The following DNAJC1 variants were observed in gnomAD, a reference collection of about 807,000 sequenced individuals.
DNAJC1 encodes the protein DnaJ heat shock protein family (Hsp40) member C1.
A neutral mutation model predicts 76.6 loss-of-function variants in DNAJC1; 58 were observed. The observed-to-expected ratio is 0.76, with a 90% CI of 0.61 to 0.94. The LOEUF (loss-of-function observed/expected upper bound fraction) is 0.94, where lower values mean the gene tolerates loss of function less well. Among genes scored for constraint, DNAJC1 ranks in the 40% least tolerant of loss-of-function variants. DNAJC1 has a pLI of 0.00. For missense variants in DNAJC1, 689 were observed against 677.3 expected (o/e 1.02, Z -0.19); for synonymous variants, 258 against 267.9 (o/e 0.96, Z 0.36).
chr10:21,911,082 AGGAAGGCG>A (rs1178536872), intron 6 of DNAJC1, among the ~76,000 whole-genome samples: 1,897 of 124,876 alleles, frequency 0.015, 38 homozygotes, highest in Middle Eastern at 0.023. Flanking sequence ...GAAGGAAGGA[AGGAAGGCG>A]GGAAGGCGGG....
At chr10:21,917,042 A>G (rs148845483) in intron 6 of DNAJC1, among the ~76,000 whole-genome samples, 2 of 152,240 alleles carry the variant, frequency 1.3e-5, no homozygotes, top group Admixed American at 6.5e-5. Context: ...AAGGTCTTGG[A>G]ACCCTAATGC....
intron 8 of DNAJC1, among the ~76,000 whole-genome samples, chr10:21,851,301 C>T (rs905717482): frequency 6.6e-6 from 1 of 151,872 alleles, no homozygotes; most frequent in East Asian, 1.9e-4. Flanking sequence ...AAAGACAACC[C>T]AATTCAAAAA....
intron 8 of DNAJC1, among the ~76,000 whole-genome samples, chr10:21,809,548 TATTAGATATACATAACAC>T (rs1360985958): frequency 2.6e-5 from 4 of 151,232 alleles, no homozygotes; most frequent in East Asian, 1.9e-4. Context: ...TATAACATAT[TATTAGATATACATAACAC>T]ATTAGATATA....
In DNAJC1 at chr10:21,759,507, A is replaced by T; in HGVS notation, c.1259T>A (p.Val420Glu). Residue 420 changes from valine (V) to glutamate (E), a missense_variant, in exon 11 of 12, where the codon GTG becomes GAG. Physicochemically the swap from Val to Glu is moderately radical, Grantham distance 121. Transcript: ENST00000376980. Reference sequence around the variant, plus strand: ...TCCCTCCTGCTCCTCCTCCGCTGCCACCCCCTCTGCGTCCTCTCGCTGGGT... The same window carrying T: ...TCCCTCCTGCTCCTCCTCCGCTGCCTCCCCCTCTGCGTCCTCTCGCTGGGT... ...MITQREDAEGVAAEEEQEGDS... is the reference protein window; with the variant it reads ...MITQREDAEGEAAEEEQEGDS... 6.2e-7 allele frequency: 1 copy of T among 1,612,834 alleles called. No homozygotes were observed. Among genetic ancestry groups the T allele is most frequent in the Non-Finnish European group, 8.5e-7 (1 of 1,179,652 alleles).
intron 10 of DNAJC1, among the ~76,000 whole-genome samples, chr10:21,761,549 TA>T (rs369792978): frequency 1.3e-3 from 174 of 131,444 alleles, no homozygotes; most frequent in Middle Eastern, 4.1e-3. Context: ...AGACTCCGTC[TA>T]AAAAAAAAAA....
intron 1 of DNAJC1, among the ~76,000 whole-genome samples, chr10:21,968,243 T>C (rs1266278290): frequency 2.6e-5 from 4 of 152,200 alleles, no homozygotes; most frequent in Non-Finnish European, 5.9e-5. Flanking sequence ...AAAAGTACAC[T>C]GCTATAAAGC....
chr10:21,777,907 G>A (rs1373082582), intron 9 of DNAJC1, among the ~76,000 whole-genome samples: 1 of 152,190 alleles, frequency 6.6e-6, no homozygotes, highest in African/African-American at 2.4e-5. Flanking sequence ...GATATCACAG[G>A]CTGGGCATGG....
chr10:21,884,124 G>A (rs1214254978), intron 7 of DNAJC1, among the ~76,000 whole-genome samples: 1 of 152,020 alleles, frequency 6.6e-6, no homozygotes, highest in Non-Finnish European at 1.5e-5. Context: ...TTACAAAAAA[G>A]ATAAAAGAGT....
At chr10:21,832,720 C>T (rs1288260343) in intron 8 of DNAJC1, among the ~76,000 whole-genome samples, 1 of 152,198 alleles carries the variant, frequency 6.6e-6, no homozygotes, top group Non-Finnish European at 1.5e-5. Flanking sequence ...CAAAAATCTT[C>T]TAATGGGTCC....
intron 9 of DNAJC1, among the ~76,000 whole-genome samples, chr10:21,777,479 C>T (rs955178821): frequency 1.3e-5 from 2 of 152,198 alleles, no homozygotes; most frequent in Admixed American, 1.3e-4. Flanking sequence ...AGAGCCACTG[C>T]TTGCAGAATC....
At chr10:21,780,341 G>T (rs1398923799) in intron 9 of DNAJC1, among the ~76,000 whole-genome samples, 2 of 152,224 alleles carry the variant, frequency 1.3e-5, no homozygotes, top group Non-Finnish European at 2.9e-5. Context: ...AGGGCAACCA[G>T]AGAGAAAGGT....
intron 1 of DNAJC1, among the ~76,000 whole-genome samples, chr10:21,972,642 G>C (rs1837999838): frequency 6.6e-6 from 1 of 151,892 alleles, no homozygotes; most frequent in African/African-American, 2.4e-5. Context: ...TGTTAAATCG[G>C]TCCTATAAAT....
At chr10:21,890,553 C>A (rs929858423) in intron 7 of DNAJC1, among the ~76,000 whole-genome samples, 4 of 152,072 alleles carry the variant, frequency 2.6e-5, no homozygotes, top group African/African-American at 4.8e-5. Context: ...GGTATTCCTG[C>A]TCCTCCTTCC....
chr10:22,003,071 A>G (rs1287121617), intron 1 of DNAJC1, 142 bp downstream of exon 1: 45 of 1,302,326 alleles, frequency 3.5e-5, no homozygotes, highest in Non-Finnish European at 4.2e-5. Context: ...AAGGCTGAGG[A>G]CCCCGGTGAC....
At chr10:21,896,434 T>C (rs1836543857) in intron 7 of DNAJC1, among the ~76,000 whole-genome samples, 1 of 152,236 alleles carries the variant, frequency 6.6e-6, no homozygotes, top group Admixed American at 6.5e-5. Flanking sequence ...ACTTGGGGAC[T>C]GTTACCCCTT....
chr10:21,847,464 A>C (rs927764024), intron 8 of DNAJC1, among the ~76,000 whole-genome samples: 2 of 152,140 alleles, frequency 1.3e-5, no homozygotes, highest in African/African-American at 4.8e-5. Context: ...CTTATCTTCT[A>C]GCTGTTTTGA....
intron 8 of DNAJC1, among the ~76,000 whole-genome samples, chr10:21,817,275 G>T (rs1273053126): frequency 6.7e-6 from 1 of 149,826 alleles, no homozygotes; most frequent in Non-Finnish European, 1.5e-5. Flanking sequence ...GCTAAAATTT[G>T]TTTAAGATGC....
At chr10:21,766,169 T>C (rs765155785) in intron 10 of DNAJC1, 92 bp downstream of exon 10, 47 of 1,024,670 alleles carry the variant, frequency 4.6e-5, no homozygotes, top group African/African-American at 8.1e-5. Flanking sequence ...GCAAAACTTC[T>C]AGACCCTTGT....
At chr10:21,918,040 A>G (rs1836982006) in intron 6 of DNAJC1, among the ~76,000 whole-genome samples, 1 of 151,994 alleles carries the variant, frequency 6.6e-6, no homozygotes, top group Admixed American at 6.5e-5. Context: ...TTTCTCTCCA[A>G]AAAATTACAA....
Sources: gnomAD v4.1 joint callset for allele counts (sites outside exome capture counted in the v4.1 genomes callset) on GRCh38, gnomAD v4.1.1 for gene constraint, MANE v1.5 for transcripts, NCBI Gene and HGNC (gene_info 2026-07-23, HGNC 2026-07-21) for gene names.